PCGF6: variants seen among roughly 807,000 people sequenced by gnomAD.
PCGF6 encodes the protein polycomb group RING finger protein 6.
A neutral mutation model predicts 45.5 loss-of-function variants in PCGF6; 24 were observed. The observed-to-expected ratio is 0.53, with a 90% CI of 0.38 to 0.74. The LOEUF (loss-of-function observed/expected upper bound fraction) is 0.74. Among genes scored for constraint, PCGF6 ranks in the 30% least tolerant of loss-of-function variants. The pLI is 0.00. For missense variants in PCGF6, 356 were observed against 443.2 expected, an observed-to-expected ratio of 0.80 and a Z score of 1.77; for synonymous variants, 152 against 162.1, an observed-to-expected ratio of 0.94 and a Z score of 0.47.
At chr10:103,350,329 C>G (rs2093316484) in intron 1 of PCGF6, among the ~76,000 whole-genome samples, 1 of 151,640 alleles carries the variant, frequency 6.6e-6, no homozygotes, top group African/African-American at 2.4e-5. Flanking sequence ...GTCCCAGCTA[C>G]TCCGGAGGCT....
Position 103,350,564 on chromosome 10 carries a change from C to G in PCGF6, c.360+143G>C, listed in dbSNP as rs968822178. The G allele has an allele frequency of 6.5e-6, 5 of 768,206 alleles. No homozygotes were observed. The Admixed American group carries it at 2.1e-4, about 32-fold the overall frequency. The allele number at this position is 768,206 out of a possible 1,614,324, so 47.6% of individuals were successfully genotyped here. A position where few individuals can be genotyped will look rare whatever the true frequency, so the allele number is the denominator to read the frequency against. Reference sequence around the variant, plus strand: ...TGTCGGCGCCACACGCCTAGGCAGCCGGGGCAGAGGTCGGGGGAGGTCCGC... The same window carrying G: ...TGTCGGCGCCACACGCCTAGGCAGCGGGGGCAGAGGTCGGGGGAGGTCCGC... On this transcript the variant is annotated intron_variant, in intron 1 of 9. Coordinates refer to ENST00000369847, the MANE Select transcript of PCGF6 (RefSeq NM_001011663.2).
chr10:103,348,745 T>G lies in PCGF6; in HGVS notation c.528A>C (p.Val176=). The G allele has an allele frequency of 6.2e-7, 1 of 1,604,854 alleles. No homozygotes were observed. The highest frequency in any genetic ancestry group is 8.5e-7 in the Non-Finnish European group (1 of 1,172,992). ...TGTTATAAAGAGGTTGTGTCTGATG[T>G]ACTACTATATTGCATTTTGGACATC... ...SNRCPKCNIV[V]HQTQPLYNIR... The change falls in exon 3 of 10, where the codon GTA becomes GTC. Residue 176 remains valine, a synonymous_variant. Transcript: ENST00000369847.
intron 9 of PCGF6, among the ~76,000 whole-genome samples, chr10:103,312,229 TA>T (rs1333828295): frequency 6.6e-6 from 1 of 151,288 alleles, no homozygotes; most frequent in East Asian, 1.9e-4. Flanking sequence ...CCGTCTCTAT[TA>T]AAAATACAAA....
At chr10:103,339,779 A>C (rs1361891323) in intron 6 of PCGF6, among the ~76,000 whole-genome samples, 1 of 143,974 alleles carries the variant, frequency 6.9e-6, no homozygotes, top group East Asian at 2.1e-4. Context: ...CCTGGGGAAC[A>C]AAAGCGAAAT....
intron 9 of PCGF6, among the ~76,000 whole-genome samples, chr10:103,307,988 C>A (rs1419084834): frequency 6.6e-6 from 1 of 152,154 alleles, no homozygotes; most frequent in Non-Finnish European, 1.5e-5. Flanking sequence ...GGAATCCCAG[C>A]AGTTTGGGAG....
intron 1 of PCGF6, 73 bp from the exon 2 acceptor site, chr10:103,349,072 A>T: frequency 1.6e-6 from 2 of 1,270,024 alleles, no homozygotes; most frequent in Non-Finnish European, 2.2e-6. Context: ...TTTTTGAGAC[A>T]GAGTCTCACT....
chr10:103,351,102 G>C lies in PCGF6; in HGVS notation c.-36C>G. 1.5e-6 allele frequency: 2 copies of C among 1,339,390 alleles called. No homozygotes were observed. Among genetic ancestry groups the C allele is most frequent in the Non-Finnish European group, 1.9e-6 (2 of 1,045,022 alleles). The allele number at this position is 1,339,390 out of a possible 1,614,324, so 83.0% of individuals were successfully genotyped here. A position where few individuals can be genotyped will look rare whatever the true frequency, so the allele number is the denominator to read the frequency against. On this transcript the variant is annotated 5_prime_UTR_variant, in exon 1 of 10. Coordinates refer to ENST00000369847, the MANE Select transcript of PCGF6 (RefSeq NM_001011663.2). ...GACACCAGGCGAGGCGAGGCGGCGG[G>C]AGAGCGCGGGAGTTCGGCCGGCCTC...
chr10:103,347,762 C>T (rs906488801), intron 3 of PCGF6, among the ~76,000 whole-genome samples: 11 of 152,134 alleles, frequency 7.2e-5, no homozygotes, highest in African/African-American at 2.4e-4. Flanking sequence ...AATCATGGCT[C>T]ACTGCAGCCT....
intron 5 of PCGF6, among the ~76,000 whole-genome samples, chr10:103,345,714 G>C (rs539741848): frequency 2.6e-5 from 4 of 151,874 alleles, no homozygotes; most frequent in Non-Finnish European, 4.4e-5. Flanking sequence ...TGTAATCCCA[G>C]CTATTTGGGA....
chr10:103,326,161 G>A (rs1437844822), intron 8 of PCGF6, among the ~76,000 whole-genome samples: 3 of 152,060 alleles, frequency 2.0e-5, no homozygotes, highest in Non-Finnish European at 2.9e-5. Context: ...ACTTTGGGAG[G>A]CCGAGGCGGG....
At chr10:103,304,072 T>C in intron 9 of PCGF6, 111 bp from the exon 10 acceptor site, 3 of 797,178 alleles carry the variant, frequency 3.8e-6, no homozygotes, top group Non-Finnish European at 6.2e-6. Flanking sequence ...TAAGGTGAAA[T>C]TCTTTAATTT....
chr10:103,314,556 T>A (rs1275054213), intron 8 of PCGF6, among the ~76,000 whole-genome samples: 2 of 152,178 alleles, frequency 1.3e-5, no homozygotes, highest in Non-Finnish European at 2.9e-5. Context: ...TAGACTTTAA[T>A]TAAGAAATTC....
At chr10:103,347,942 T>C (rs573798614) in intron 3 of PCGF6, among the ~76,000 whole-genome samples, 1 of 152,322 alleles carries the variant, frequency 6.6e-6, no homozygotes, top group South Asian at 2.1e-4. Context: ...AAAGCACTCC[T>C]GTGTGAAGGT....
chr10:103,322,497 C>G (rs1009684626), intron 8 of PCGF6, among the ~76,000 whole-genome samples: 1 of 152,006 alleles, frequency 6.6e-6, no homozygotes. Flanking sequence ...CAAGCCACCA[C>G]GGCCAGCCCA....
chr10:103,342,405 T>C (rs1027412881), intron 6 of PCGF6, among the ~76,000 whole-genome samples: 3 of 152,034 alleles, frequency 2.0e-5, no homozygotes, highest in Non-Finnish European at 4.4e-5. Context: ...GGCTCATTTT[T>C]ATATTTTTAG....
intron 8 of PCGF6, among the ~76,000 whole-genome samples, chr10:103,317,800 A>G (rs1384691579): frequency 6.6e-6 from 1 of 151,366 alleles, no homozygotes; most frequent in Non-Finnish European, 1.5e-5. Context: ...CTTGTTGTCC[A>G]GGCTGGAGGG....
intron 6 of PCGF6, among the ~76,000 whole-genome samples, chr10:103,344,453 G>T (rs1353829171): frequency 6.7e-6 from 1 of 149,920 alleles, no homozygotes; most frequent in African/African-American, 2.5e-5. Context: ...TGTATTTTTA[G>T]TAGACAGGGT....
intron 8 of PCGF6, among the ~76,000 whole-genome samples, chr10:103,324,251 A>C (rs1414794331): frequency 2.6e-5 from 4 of 151,884 alleles, no homozygotes; most frequent in Non-Finnish European, 5.9e-5. Flanking sequence ...AATACACAGT[A>C]TTTTAGATAA....
chr10:103,336,650 G>A (rs2093258381), intron 6 of PCGF6, among the ~76,000 whole-genome samples: 1 of 152,120 alleles, frequency 6.6e-6, no homozygotes, highest in South Asian at 2.1e-4. Context: ...TGAGGTAGGT[G>A]GATCGCTTGA....
Sources: gnomAD v4.1 joint callset for allele counts (sites outside exome capture counted in the v4.1 genomes callset) on GRCh38, gnomAD v4.1.1 for gene constraint, MANE v1.5 for transcripts, NCBI Gene and HGNC (gene_info 2026-07-23, HGNC 2026-07-21) for gene names.